CCSER1: variants seen among roughly 807,000 people sequenced by gnomAD.
CCSER1 encodes the protein coiled-coil serine rich protein 1.
CCSER1 carries 41 observed loss-of-function variants against 82.0 expected under a neutral mutation model. The ratio of observed to expected loss-of-function variants is 0.50; its 90% CI spans 0.39 to 0.65. The LOEUF is 0.65. Among genes scored for constraint, CCSER1 ranks in the 30% least tolerant of loss-of-function variants. CCSER1 has a pLI of 0.00. For synonymous variants in CCSER1, 414 were observed against 383.9 expected (o/e 1.08, Z -0.92); for missense variants, 1,119 against 1,064.2 (o/e 1.05, Z -0.72).
intron 5 of CCSER1, among the ~76,000 whole-genome samples, chr4:90,530,122 G>C (rs1007036844): frequency 3.9e-5 from 6 of 152,070 alleles, no homozygotes; most frequent in Non-Finnish European, 7.4e-5. Context: ...ACACCTACTA[G>C]GTGACAGACA....
chr4:90,588,998 G>A (rs1782363228), intron 5 of CCSER1, among the ~76,000 whole-genome samples: 1 of 152,130 alleles, frequency 6.6e-6, no homozygotes, highest in South Asian at 2.1e-4. Flanking sequence ...TAGTATTCCA[G>A]TGTAGTTGAA....
intron 10 of CCSER1, among the ~76,000 whole-genome samples, chr4:91,464,989 T>A (rs1260598621): frequency 6.6e-6 from 1 of 152,124 alleles, no homozygotes; most frequent in Non-Finnish European, 1.5e-5. Context: ...TGAACTCAGC[T>A]CTGCACCAAG....
At chr4:90,763,493 C>T (rs1750721737) in intron 7 of CCSER1, among the ~76,000 whole-genome samples, 1 of 152,136 alleles carries the variant, frequency 6.6e-6, no homozygotes, top group Non-Finnish European at 1.5e-5. Flanking sequence ...AGTATAACTT[C>T]AGTTATTTGT....
intron 5 of CCSER1, among the ~76,000 whole-genome samples, chr4:90,505,149 G>A (rs528909572): frequency 2.8e-4 from 42 of 152,276 alleles, no homozygotes; most frequent in Admixed American, 1.0e-3. Flanking sequence ...CATGCATTTT[G>A]GCACTAAGAA....
chr4:91,114,342 T>G (rs1218632273), intron 10 of CCSER1, among the ~76,000 whole-genome samples: 1 of 152,170 alleles, frequency 6.6e-6, no homozygotes, highest in Non-Finnish European at 1.5e-5. Context: ...AGATACCAAT[T>G]ATGTTGATAA....
chr4:90,320,844 C>T (rs945051638), intron 3 of CCSER1, among the ~76,000 whole-genome samples: 6 of 152,118 alleles, frequency 3.9e-5, no homozygotes, highest in African/African-American at 1.2e-4. Flanking sequence ...ACTTAACTCA[C>T]TTCTTAAATG....
At chr4:90,143,483 T>TACACACACACACAC (rs1331230610) in intron 1 of CCSER1, among the ~76,000 whole-genome samples, 11 of 78,288 alleles carry the variant, frequency 1.4e-4, no homozygotes, top group Admixed American at 4.6e-4. Context: ...TCCTAGCAAG[T>TACACACACACACAC]ACACACATAC....
intron 8 of CCSER1, among the ~76,000 whole-genome samples, chr4:90,920,631 TG>T (rs1447773337): frequency 6.6e-6 from 1 of 151,868 alleles, no homozygotes; most frequent in Non-Finnish European, 1.5e-5. Context: ...TTAACTCTTT[TG>T]TACGTCCCCT....
chr4:91,367,747 C>T (rs991850406), intron 10 of CCSER1, among the ~76,000 whole-genome samples: 5 of 152,154 alleles, frequency 3.3e-5, no homozygotes, highest in Non-Finnish European at 7.4e-5. Flanking sequence ...TGGTTCTTGG[C>T]TTTTTCATGT....
intron 10 of CCSER1, among the ~76,000 whole-genome samples, chr4:91,371,162 A>C (rs1376425047): frequency 6.6e-6 from 1 of 152,160 alleles, no homozygotes; most frequent in African/African-American, 2.4e-5. Context: ...CACAACTGCC[A>C]TATTTTAGTT....
chr4:90,561,607 G>T (rs1392081151), intron 5 of CCSER1, among the ~76,000 whole-genome samples: 1 of 152,010 alleles, frequency 6.6e-6, no homozygotes, highest in Non-Finnish European at 1.5e-5. Context: ...CTCCCATGCG[G>T]CTTATTTGTG....
At chr4:91,231,589 G>A (rs1224531039) in intron 10 of CCSER1, among the ~76,000 whole-genome samples, 2 of 151,254 alleles carry the variant, frequency 1.3e-5, no homozygotes, top group South Asian at 4.2e-4. Flanking sequence ...ATAGATGACA[G>A]GAAATTCAAT....
intron 1 of CCSER1, among the ~76,000 whole-genome samples, chr4:90,216,227 A>T (rs1740994504): frequency 6.6e-6 from 1 of 152,198 alleles, no homozygotes; most frequent in Non-Finnish European, 1.5e-5. Context: ...TGCGCTTTTT[A>T]ACAATACTTC....
rs567398469 is a variant in CCSER1 at position 90,216,587 on chromosome 4, T to C, written c.-42+88756T>C. On this transcript the variant is annotated intron_variant, in intron 1 of 10. Transcript: ENST00000509176. The stretch of plus-strand genomic sequence containing the variant: ...TGAAGATCAGATGGCTGTAGGTGTG[T>C]GACTTTGTTTCTGGGTTCTCTAGTC... 1.8e-4 allele frequency among the ~76,000 whole-genome samples: 27 copies of C among 152,318 alleles called. No individual in the cohort carries two copies. In the South Asian group the frequency reaches 5.6e-3, roughly 32 times the overall value.
chr4:90,423,990 C>A (rs1430601564), intron 4 of CCSER1, among the ~76,000 whole-genome samples: 1 of 151,004 alleles, frequency 6.6e-6, no homozygotes, highest in Admixed American at 6.6e-5. Context: ...ACTCGGGAGG[C>A]TGAGGCAGGA....
intron 10 of CCSER1, among the ~76,000 whole-genome samples, chr4:91,565,583 T>G (rs1762851495): frequency 6.6e-6 from 1 of 151,958 alleles, no homozygotes; most frequent in African/African-American, 2.4e-5. Flanking sequence ...CTGTGAGCAG[T>G]TTTTTATTAT....
At chr4:91,326,830 G>A (rs1919226) in intron 10 of CCSER1, among the ~76,000 whole-genome samples, 116,526 of 152,038 alleles carry the variant, frequency 0.77, 45,129 homozygotes, top group East Asian at 0.88. Context: ...CCAAGGGTCT[G>A]CAGGCCCCAC....
At chr4:90,194,017 CT>C (rs1560776156) in intron 1 of CCSER1, among the ~76,000 whole-genome samples, 1 of 151,926 alleles carries the variant, frequency 6.6e-6, no homozygotes, top group South Asian at 2.1e-4. Flanking sequence ...TCATTGAGTT[CT>C]TTTGAAATAT....
rs188962021 is a variant in CCSER1 at position 91,474,416 on chromosome 4, A to G, written c.2218-124156A>G. On this transcript the variant is annotated intron_variant, in intron 10 of 10. Transcript: ENST00000509176. Reference sequence around the variant, plus strand: ...AATCACACATTTAATAAATATGTATAATATCTTATTCTGATATGGATATAG... The same window carrying G: ...AATCACACATTTAATAAATATGTATGATATCTTATTCTGATATGGATATAG... Among the ~76,000 whole-genome samples, 270 of 151,892 alleles carry G rather than the reference A, an allele frequency of 1.8e-3. 3 individuals are homozygous for G. The highest frequency in any genetic ancestry group is 5.7e-3 in the African/African-American group (237 of 41,502).
Sources: allele counts gnomAD v4.1 joint callset (sites outside exome capture counted in the v4.1 genomes callset), GRCh38; gene constraint gnomAD v4.1.1; transcripts MANE v1.5; gene names NCBI Gene and HGNC (gene_info 2026-07-23, HGNC 2026-07-21).